Variants in MACROD2 observed in about 807,000 individuals in gnomAD.
MACROD2 encodes the protein mono-ADP ribosylhydrolase 2.
In MACROD2, 36 loss-of-function variants were observed where a neutral mutation model predicts 70.4. The ratio of observed to expected loss-of-function variants is 0.51; its 90% confidence interval spans 0.39 to 0.68. The LOEUF (loss-of-function observed/expected upper bound fraction) is 0.68, where lower values mean the gene tolerates loss of function less well. Among genes scored for constraint, MACROD2 ranks in the 30% least tolerant of loss-of-function variants. The pLI, the probability that MACROD2 is intolerant of heterozygous loss-of-function variation, is 0.00. For synonymous variants in MACROD2, 172 were observed against 178.8 expected (o/e 0.96, Z 0.30); for missense variants, 496 against 538.4 (o/e 0.92, Z 0.78).
chr20:14,493,894 C>T (rs2084822657), intron 4 of MACROD2: 1 of 153,064 alleles, frequency 6.5e-6, no homozygotes, highest in African/African-American at 2.4e-5. Context: ...GTTTCTTTTT[C>T]CACTATAATG....
At chr20:15,445,272 A>T (rs756530798) in intron 7 of MACROD2, among the ~76,000 whole-genome samples, 89 of 152,306 alleles carry the variant, frequency 5.8e-4, no homozygotes, top group Non-Finnish European at 1.1e-3. Context: ...CTGTGAGTTC[A>T]GCTGTCTGGA....
chr20:14,484,372 G>A (rs947662882), intron 3 of MACROD2, among the ~76,000 whole-genome samples: 2 of 152,020 alleles, frequency 1.3e-5, no homozygotes, highest in African/African-American at 4.8e-5. Flanking sequence ...GGCATGCAGT[G>A]TGTAATAATC....
Position 15,333,389 on chromosome 20 carries a change from C to T in MACROD2, c.541-98016C>T, listed in dbSNP as rs1600253747. On this transcript the variant is annotated intron_variant, in intron 6 of 17. Transcript: ENST00000684519. The stretch of plus-strand genomic sequence containing the variant: ...AGCTCAGTTTCATTTCCTTTCTCCT[C>T]GAAAGCGAATTGTTTCCTTGACAGG... 3.3e-5 allele frequency among the ~76,000 whole-genome samples: 5 copies of T among 151,570 alleles called. No homozygotes were observed. The East Asian group carries it at 7.7e-4, about 23-fold the overall frequency.
At chr20:14,333,574 AG>A in intron 3 of MACROD2, among the ~76,000 whole-genome samples, 1 of 152,298 alleles carries the variant, frequency 6.6e-6, no homozygotes, top group African/African-American at 2.4e-5. Flanking sequence ...TGCAATTAAA[AG>A]TTTGCCTACT....
At chr20:14,290,335 G>A (rs1037243272) in intron 3 of MACROD2, among the ~76,000 whole-genome samples, 5 of 152,176 alleles carry the variant, frequency 3.3e-5, no homozygotes, top group Non-Finnish European at 7.4e-5. Context: ...AGGAGAGATG[G>A]GACTGAAGTT....
At chr20:15,092,858 T>G (rs2075802259) in intron 5 of MACROD2, among the ~76,000 whole-genome samples, 1 of 152,136 alleles carries the variant, frequency 6.6e-6, no homozygotes, top group African/African-American at 2.4e-5. Context: ...AGCACAGCAT[T>G]AAGTTGGGCT....
At chr20:15,342,469 T>G (rs907416016) in intron 6 of MACROD2, among the ~76,000 whole-genome samples, 6 of 152,160 alleles carry the variant, frequency 3.9e-5, no homozygotes, top group Non-Finnish European at 7.4e-5. Context: ...ATCCCTGTAG[T>G]AGGAATTTGA....
intron 8 of MACROD2, among the ~76,000 whole-genome samples, chr20:15,816,116 T>C (rs1222133946): frequency 6.6e-6 from 1 of 152,108 alleles, no homozygotes; most frequent in African/African-American, 2.4e-5. Context: ...ACATCACATA[T>C]ATGATCCTAT....
chr20:15,136,112 A>G (rs1449757271), intron 5 of MACROD2, among the ~76,000 whole-genome samples: 1 of 151,214 alleles, frequency 6.6e-6, no homozygotes, highest in Non-Finnish European at 1.5e-5. Flanking sequence ...GGAAGAATCA[A>G]TATCGTGAAA....
At position 15,160,914 on chromosome 20, in the gene MACROD2, A is replaced by T. The variant is rs867798307; in HGVS notation, c.419-69026A>T. On this transcript the variant is annotated intron_variant, in intron 5 of 17. Transcript: ENST00000684519. ...CCTATCTTTGTAAATTATTTTGATT[A>T]TTTTTTTTACTAGAGAGATAGAAGT... Among the ~76,000 whole-genome samples the T allele has an allele frequency of 1.1e-4, 17 of 151,852 alleles. 1 individual carries two copies. The highest frequency in any genetic ancestry group is 2.4e-4 in the African/African-American group (10 of 41,376).
intron 5 of MACROD2, among the ~76,000 whole-genome samples, chr20:15,088,109 AAAAT>A (rs1451608705): frequency 6.6e-6 from 1 of 151,874 alleles, no homozygotes; most frequent in Non-Finnish European, 1.5e-5. Flanking sequence ...AGATAATAGT[AAAAT>A]AAAATAATGC....
At chr20:15,873,299 T>A (rs2064612377) in intron 9 of MACROD2, among the ~76,000 whole-genome samples, 1 of 152,090 alleles carries the variant, frequency 6.6e-6, no homozygotes, top group South Asian at 2.1e-4. Flanking sequence ...GAGTTTACAT[T>A]CCCATGAGTG....
intron 6 of MACROD2, among the ~76,000 whole-genome samples, chr20:15,386,207 C>A (rs946836180): frequency 5.3e-5 from 8 of 152,118 alleles, no homozygotes; most frequent in African/African-American, 2.4e-5. Context: ...TGGCTATTAG[C>A]AAAGGCAATA....
intron 3 of MACROD2, among the ~76,000 whole-genome samples, chr20:14,102,241 A>G (rs2054311080): frequency 6.6e-6 from 1 of 151,772 alleles, no homozygotes; most frequent in Non-Finnish European, 1.5e-5. Context: ...TGACCTTGTG[A>G]TCTGCCCGCC....
At chr20:15,640,029 G>A (rs2049433488) in intron 8 of MACROD2, among the ~76,000 whole-genome samples, 1 of 149,894 alleles carries the variant, frequency 6.7e-6, no homozygotes, top group Admixed American at 6.7e-5. Flanking sequence ...GAGAAGGAGA[G>A]AGAAAAGGGG....
At chr20:15,954,155 T>A (rs2065944171) in intron 12 of MACROD2, among the ~76,000 whole-genome samples, 1 of 152,150 alleles carries the variant, frequency 6.6e-6, no homozygotes, top group Non-Finnish European at 1.5e-5. Flanking sequence ...AAAAAGTCTA[T>A]CACCATTACC....
intron 7 of MACROD2, among the ~76,000 whole-genome samples, chr20:15,457,882 C>G (rs2046749503): frequency 6.6e-6 from 1 of 151,346 alleles, no homozygotes; most frequent in Non-Finnish European, 1.5e-5. Flanking sequence ...ACTGTGGTTT[C>G]CCTTCTTCCA....
chr20:15,356,944 T>C (rs2078294228), intron 6 of MACROD2, among the ~76,000 whole-genome samples: 1 of 152,216 alleles, frequency 6.6e-6, no homozygotes, highest in African/African-American at 2.4e-5. Context: ...ACAAACTGAA[T>C]TCAGAATATA....
intron 8 of MACROD2, among the ~76,000 whole-genome samples, chr20:15,718,739 T>G (rs180757862): frequency 6.6e-6 from 1 of 152,186 alleles, no homozygotes; most frequent in Non-Finnish European, 1.5e-5. Context: ...ATCCATGACT[T>G]ACGGGGGAAG....
Sources: allele counts gnomAD v4.1 joint callset (sites outside exome capture counted in the v4.1 genomes callset), GRCh38; gene constraint gnomAD v4.1.1; transcripts MANE v1.5; gene names NCBI Gene and HGNC (gene_info 2026-07-23, HGNC 2026-07-21).